CDH12: variants seen among roughly 807,000 people sequenced by gnomAD.
The protein encoded by CDH12 is cadherin-12.
CDH12 carries 41 observed loss-of-function variants against 74.1 expected under a neutral mutation model. That is an observed-to-expected ratio of 0.55 (90% CI 0.43 to 0.72). The LOEUF (loss-of-function observed/expected upper bound fraction) is 0.72. CDH12 is among the 30% of genes least tolerant of loss of function. The pLI is 0.00. For missense variants in CDH12, 945 were observed against 977.2 expected (o/e 0.97, Z 0.44); for synonymous variants, 399 against 355.0 (o/e 1.12, Z -1.39).
chr5:22,732,471 TACACAC>T (rs58402882), intron 1 of CDH12, among the ~76,000 whole-genome samples: 6 of 72,694 alleles, frequency 8.3e-5, no homozygotes, highest in Non-Finnish European at 2.9e-5. Flanking sequence ...TATATATATA[TACACAC>T]ACACACACAC....
rs193096975 is a variant in CDH12, at chr5:21,756,280, C to T, written c.1634-438G>A. 3.6e-3 allele frequency among the ~76,000 whole-genome samples: 550 copies of T among 151,972 alleles called. 2 individuals carry two copies. Among genetic ancestry groups the T allele is most frequent in the Admixed American group, 5.2e-3 (80 of 15,250 alleles). ...TGACTATTTTAAATTAAGGATTTTT[C>T]TATCTACATGTTGTATATGTATATA... On this transcript the variant is annotated intron_variant, in intron 13 of 14. Coordinates refer to ENST00000382254, the MANE Select transcript of CDH12 (RefSeq NM_004061.5).
chr5:22,410,386 T>G (rs1224361266), intron 2 of CDH12, among the ~76,000 whole-genome samples: 4 of 152,066 alleles, frequency 2.6e-5, no homozygotes, highest in African/African-American at 9.7e-5. Flanking sequence ...TCATAAGACT[T>G]CCATTCCAGA....
At chr5:22,031,987 G>A (rs145100323) in intron 5 of CDH12, among the ~76,000 whole-genome samples, 1 of 151,742 alleles carries the variant, frequency 6.6e-6, no homozygotes, top group African/African-American at 2.4e-5. Flanking sequence ...ATGCAGGGTT[G>A]CCACAAACCT....
At position 22,074,767 on chromosome 5, in the gene CDH12, C is replaced by T. The variant is rs563433994; in HGVS notation, c.231+3679G>A. 1.5e-3 allele frequency among the ~76,000 whole-genome samples: 229 copies of T among 152,266 alleles called. 1 individual carries two copies. Among genetic ancestry groups the T allele is most frequent in the Non-Finnish European group, 2.4e-3 (166 of 68,026 alleles). The stretch of plus-strand genomic sequence containing the variant: ...AATCAAAACCACAATGAGATACCAT[C>T]TCACACCAGTTAGAATGGCAATCAT... On this transcript the variant is annotated intron_variant, in intron 5 of 14. Coordinates refer to ENST00000382254, the MANE Select transcript of CDH12 (RefSeq NM_004061.5).
chr5:21,947,452 A>G (rs1755630334), intron 6 of CDH12, among the ~76,000 whole-genome samples: 1 of 152,224 alleles, frequency 6.6e-6, no homozygotes, highest in Admixed American at 6.5e-5. Flanking sequence ...GGAGAAGAAG[A>G]ACTCATTAGG....
chr5:22,006,331 C>G (rs1254488312), intron 5 of CDH12, among the ~76,000 whole-genome samples: 1 of 151,952 alleles, frequency 6.6e-6, no homozygotes, highest in East Asian at 1.9e-4. Context: ...GCCCACCTCT[C>G]TGCTTATTTG....
chr5:22,370,106 A>C, intron 3 of CDH12, among the ~76,000 whole-genome samples: 1 of 152,270 alleles, frequency 6.6e-6, no homozygotes, highest in Middle Eastern at 3.4e-3. Flanking sequence ...TCAATATTTT[A>C]TCTTTGGTCA....
At chr5:22,525,260 C>T (rs1737217982) in intron 1 of CDH12, among the ~76,000 whole-genome samples, 1 of 152,088 alleles carries the variant, frequency 6.6e-6, no homozygotes, top group Non-Finnish European at 1.5e-5. Context: ...AATAGTGCCA[C>T]AATAAACATA....
intron 6 of CDH12, among the ~76,000 whole-genome samples, chr5:21,938,039 G>T (rs1755153000): frequency 1.3e-5 from 2 of 152,146 alleles, no homozygotes; most frequent in Admixed American, 1.3e-4. Context: ...CCCCACATCT[G>T]TGCCGACCCA....
intron 3 of CDH12, among the ~76,000 whole-genome samples, chr5:22,356,842 G>A (rs1474702632): frequency 3.3e-5 from 5 of 152,070 alleles, no homozygotes; most frequent in African/African-American, 4.8e-5. Context: ...ACAAGATTGC[G>A]TATGTGTCAA....
chr5:21,939,143 C>T (rs1412244109), intron 6 of CDH12, among the ~76,000 whole-genome samples: 3 of 151,304 alleles, frequency 2.0e-5, no homozygotes, highest in Non-Finnish European at 2.9e-5. Flanking sequence ...AAGAAAAAAG[C>T]ATTGTACAAA....
intron 5 of CDH12, among the ~76,000 whole-genome samples, chr5:22,063,621 C>T (rs1411779627): frequency 6.6e-6 from 1 of 151,658 alleles, no homozygotes; most frequent in Non-Finnish European, 1.5e-5. Flanking sequence ...CCTAGTATTC[C>T]TGTTAGAGTT....
chr5:22,343,940 G>C (rs1009678246), intron 3 of CDH12, among the ~76,000 whole-genome samples: 2 of 152,054 alleles, frequency 1.3e-5, no homozygotes, highest in African/African-American at 4.8e-5. Context: ...CTGTGTTTTT[G>C]TTTTATTTAG....
rs201260031 is a variant in CDH12, at chr5:21,842,144, C to T, written c.814+17G>A. 1.1e-4 allele frequency: 174 copies of T among 1,591,164 alleles called. 1 individual carries two copies. The highest frequency in any genetic ancestry group is 2.7e-4 in the Admixed American group (15 of 56,476). On this transcript the variant is annotated intron_variant, in intron 8 of 14. Coordinates refer to ENST00000382254, the MANE Select transcript of CDH12 (RefSeq NM_004061.5). ...TTAAACCGCAATAATTTAGGCTTAA[C>T]AGGAAAGGTGACATACTTTTGGGGA...
At chr5:21,880,633 T>C (rs1472591381) in intron 6 of CDH12, among the ~76,000 whole-genome samples, 21 of 93,520 alleles carry the variant, frequency 2.2e-4, no homozygotes, top group South Asian at 1.6e-3. Context: ...CTTTCTTTCT[T>C]TCTTTCTTTC....
intron 1 of CDH12, among the ~76,000 whole-genome samples, chr5:22,731,820 C>T (rs2127004500): frequency 6.6e-6 from 1 of 151,854 alleles, no homozygotes; most frequent in East Asian, 1.9e-4. Flanking sequence ...GTTTTTCATA[C>T]AAAACTATGG....
chr5:22,387,330 AT>A (rs1416311476), intron 3 of CDH12, among the ~76,000 whole-genome samples: 6 of 152,156 alleles, frequency 3.9e-5, no homozygotes, highest in Non-Finnish European at 8.8e-5. Context: ...TGTGTTATTA[AT>A]TTTTAAAAAA....
At chr5:21,977,982 CTAAAGTA>C (rs1241529622) in intron 5 of CDH12, among the ~76,000 whole-genome samples, 1 of 151,796 alleles carries the variant, frequency 6.6e-6, no homozygotes, top group East Asian at 1.9e-4. Flanking sequence ...GGGTGGTAGC[CTAAAGTA>C]TAGACATTTT....
intron 8 of CDH12, among the ~76,000 whole-genome samples, chr5:21,817,848 T>TA (rs962992846): frequency 2.0e-5 from 3 of 151,962 alleles, no homozygotes; most frequent in Admixed American, 6.6e-5. Flanking sequence ...TGCTTATTTT[T>TA]ACCACCAGGT....
Sources: allele counts gnomAD v4.1 joint callset (sites outside exome capture counted in the v4.1 genomes callset), GRCh38; gene constraint gnomAD v4.1.1; transcripts MANE v1.5; gene names NCBI Gene and HGNC (gene_info 2026-07-23, HGNC 2026-07-21).